EZH2: variants seen among roughly 807,000 people sequenced by gnomAD.
EZH2 encodes enhancer of zeste 2 polycomb repressive complex 2 subunit.
Under a neutral mutation model 98.4 loss-of-function variants are expected in EZH2, and 18 were observed. The ratio of observed to expected loss-of-function variants is 0.18; its 90% CI spans 0.13 to 0.27. The LOEUF (loss-of-function observed/expected upper bound fraction) is 0.27. EZH2 is among the 10% of genes least tolerant of loss of function. The pLI is 1.00. For synonymous variants in EZH2, 338 were observed against 312.3 expected (o/e 1.08, Z -0.87); for missense variants, 470 against 935.1 (o/e 0.50, Z 6.49).
intron 7 of EZH2, 142 bp downstream of exon 7, chr7:148,827,022 C>T (rs759971136): frequency 1.1e-5 from 7 of 610,354 alleles, no homozygotes; most frequent in Non-Finnish European, 1.7e-5. Context: ...ACCACAAGTA[C>T]ACATGTTGCT....
At position 148,835,035 on chromosome 7, in the gene EZH2, T is replaced by G. The variant is rs779636372; in HGVS notation, c.247-2285A>C. Among the ~76,000 whole-genome samples the G allele has an allele frequency of 3.5e-4, 53 of 152,304 alleles. 1 individual carries two copies. Among genetic ancestry groups the G allele is most frequent in the Non-Finnish European group, 5.7e-4 (39 of 68,034 alleles). ...ATTTAAAGTCTGACTGCAACACCCG[T>G]GAGCTTAATTAATTACTGCACTGTA... On this transcript the variant is annotated intron_variant, in intron 3 of 19. Transcript: ENST00000320356.
At position 148,807,429 on chromosome 7, in the gene EZH2, T is replaced by G; in HGVS notation, c.*217A>C. The G allele has an allele frequency of 1.8e-6, 1 of 563,584 alleles. No homozygotes were observed. The allele number at this position is 563,584 out of a possible 1,614,324, so 34.9% of individuals were successfully genotyped here. On this transcript the variant is annotated 3_prime_UTR_variant, in exon 20 of 20. Coordinates refer to ENST00000320356, the MANE Select transcript of EZH2 (RefSeq NM_004456.5). ...TTCAAAGTTGAAAAATGTACCATAC[T>G]GCATTATTGCAAAAATTCACTGGTA...
In EZH2 at chr7:148,811,726, G is replaced by A. The variant is rs78589034; in HGVS notation, c.1852-6C>T. The A allele has an allele frequency of 2.9e-3, 4,639 of 1,609,406 alleles. 9 individuals are homozygous for A. The highest frequency in any genetic ancestry group is 3.7e-3 in the Non-Finnish European group (4,313 of 1,178,926). On this transcript the variant is annotated splice_polypyrimidine_tract_variant and splice_region_variant and intron_variant, in intron 15 of 19. Coordinates refer to ENST00000320356, the MANE Select transcript of EZH2 (RefSeq NM_004456.5). ...GATGGTGCCAGCAATAGATGCTAGA[G>A]AATAAAACACAATCACATCATCAAA...
At position 148,825,394 on chromosome 7, in the gene EZH2, T is replaced by TA. The variant is rs1301638153; in HGVS notation, c.907+1059dup. 2.0e-5 allele frequency among the ~76,000 whole-genome samples: 3 copies of TA among 152,356 alleles called. No individual in the cohort carries two copies. The East Asian group carries it at 5.8e-4, about 29-fold the overall frequency. ...GGAGGTAACAATATAATGATAATTC[T>TA]AAAAATCTACTTCAAGTTTTTCTAT... On this transcript the variant is annotated intron_variant, in intron 8 of 19. Transcript: ENST00000320356.
At chr7:148,869,988 A>C (rs1819109944) in intron 1 of EZH2, among the ~76,000 whole-genome samples, 1 of 152,200 alleles carries the variant, frequency 6.6e-6, no homozygotes, top group Non-Finnish European at 1.5e-5. Flanking sequence ...TGGGAGGCCA[A>C]GGTGAAAGGG....
intron 1 of EZH2, among the ~76,000 whole-genome samples, chr7:148,866,478 CA>C (rs1219441584): frequency 7.5e-6 from 1 of 133,972 alleles, no homozygotes; most frequent in African/African-American, 3.1e-5. Flanking sequence ...TCCCAGCCCC[CA>C]AAACTGTGAA....
intron 4 of EZH2, among the ~76,000 whole-genome samples, chr7:148,830,305 A>G (rs1180313): frequency 0.98 from 149,145 of 152,296 alleles, 73,025 homozygotes; most frequent in East Asian, 1. Context: ...CAGGTGTCTG[A>G]CACCATGAGC....
intron 9 of EZH2, 104 bp downstream of exon 9, chr7:148,819,492 A>G (rs1805429478): frequency 5.7e-6 from 5 of 870,958 alleles, no homozygotes; most frequent in African/African-American, 3.4e-5. Flanking sequence ...CATATGGCCC[A>G]TAACAGCATG....
chr7:148,854,218 G>A (rs1236820171), intron 1 of EZH2, among the ~76,000 whole-genome samples: 1 of 152,130 alleles, frequency 6.6e-6, no homozygotes, highest in African/African-American at 2.4e-5. Context: ...GGCCAAGATG[G>A]GCAGATCATG....
chr7:148,829,701 T>C (rs1808795011), intron 5 of EZH2, 27 bp downstream of exon 5: 2 of 1,599,682 alleles, frequency 1.3e-6, no homozygotes, highest in Non-Finnish European at 1.7e-6. Context: ...TAGCCCCTTT[T>C]TCCAAGAGAA....
In EZH2 at chr7:148,817,921, T is replaced by C; in HGVS notation, c.1196A>G (p.Asp399Gly). The C allele has an allele frequency of 1.2e-6, 2 of 1,614,242 alleles. No homozygotes were observed. Among genetic ancestry groups the C allele is most frequent in the Non-Finnish European group, 1.7e-6 (2 of 1,180,038 alleles). The change falls in exon 10 of 20, where the codon GAT becomes GGT. Residue 399 changes from aspartate (D) to glycine (G), a missense_variant. Physicochemically the swap from Asp to Gly is moderately conservative, Grantham distance 94. Transcript: ENST00000320356. ...AGTETGGENN[D>G]KEEEEKKDET... The stretch of plus-strand genomic sequence containing the variant: ...ATCTTTCTTCTCTTCTTCTTCTTTA[T>C]CATTGTTCTCTCCCCCCGTTTCAGT...
rs2129471786 is a variant in EZH2 at position 148,818,047 on chromosome 7, C to G, written c.1070G>C (p.Gly357Ala). ...RIKTPPKRPGGRRRGRLPNNS... is the reference protein window; with the variant it reads ...RIKTPPKRPGARRRGRLPNNS... ...ATTGGGAAGCCGTCCTCTTCTGCGGCCTCCTGGACGTTTTGGTGGGGTCTT... is the reference window on the plus strand; with the variant it reads ...ATTGGGAAGCCGTCCTCTTCTGCGGGCTCCTGGACGTTTTGGTGGGGTCTT... Residue 357 changes from glycine to alanine, a missense_variant, in exon 10 of 20, where the codon GGC becomes GCC. By Grantham distance (60) the Gly-to-Ala change is moderately conservative. Coordinates refer to ENST00000320356, the MANE Select transcript of EZH2 (RefSeq NM_004456.5). The G allele has an allele frequency of 6.2e-7, 1 of 1,614,062 alleles. No individual in the cohort carries two copies. The highest frequency in any genetic ancestry group is 1.7e-5 in the Admixed American group (1 of 60,006).
chr7:148,815,298 G>A (rs1005700617), intron 13 of EZH2, among the ~76,000 whole-genome samples: 20 of 152,054 alleles, frequency 1.3e-4, no homozygotes, highest in Non-Finnish European at 1.5e-5. Flanking sequence ...CAACTGACTC[G>A]GACTCACACC....
At chr7:148,839,010 C>T (rs1408290714) in intron 3 of EZH2, among the ~76,000 whole-genome samples, 1 of 145,554 alleles carries the variant, frequency 6.9e-6, no homozygotes. Flanking sequence ...CAAGATGACG[C>T]CACTGCACTC....
intron 8 of EZH2, among the ~76,000 whole-genome samples, chr7:148,823,482 A>G (rs1027992046): frequency 1.3e-5 from 2 of 152,186 alleles, no homozygotes; most frequent in African/African-American, 2.4e-5. Flanking sequence ...CACCATGTAA[A>G]TAAGACGGTC....
chr7:148,861,360 G>A (rs1471095890), intron 1 of EZH2, among the ~76,000 whole-genome samples: 1 of 151,662 alleles, frequency 6.6e-6, no homozygotes, highest in Non-Finnish European at 1.5e-5. Flanking sequence ...CTGAGTAGCT[G>A]GGATTACAGG....
intron 9 of EZH2, among the ~76,000 whole-genome samples, chr7:148,818,642 A>C (rs1584942784): frequency 6.6e-6 from 1 of 152,176 alleles, no homozygotes; most frequent in Admixed American, 6.5e-5. Context: ...CTGTCTTACT[A>C]TTAAAACATC....
At chr7:148,829,666 T>G (rs1808782346) in intron 5 of EZH2, 62 bp downstream of exon 5, 5 of 1,574,162 alleles carry the variant, frequency 3.2e-6, no homozygotes. Flanking sequence ...ATATGCTTCA[T>G]AAACAAAAGT....
At chr7:148,873,486 T>A (rs1305640697) in intron 1 of EZH2, among the ~76,000 whole-genome samples, 2 of 93,128 alleles carry the variant, frequency 2.1e-5, no homozygotes. Context: ...AGTGAGACTC[T>A]GTCTCAAAAA....
Sources: allele counts gnomAD v4.1 joint callset (sites outside exome capture counted in the v4.1 genomes callset), GRCh38; gene constraint gnomAD v4.1.1; transcripts MANE v1.5; gene names NCBI Gene and HGNC (gene_info 2026-07-23, HGNC 2026-07-21).